The following SLC35F1 variants were observed in gnomAD, a reference collection of about 807,000 sequenced individuals.
SLC35F1 encodes chromosome 6 open reading frame 169.
SLC35F1 carries 14 observed loss-of-function variants against 48.7 expected under a neutral mutation model. That is an observed-to-expected ratio of 0.29 (90% CI 0.19 to 0.45). The LOEUF is 0.45. SLC35F1 is among the 20% of genes least tolerant of loss of function. The pLI, the probability that SLC35F1 is intolerant of heterozygous loss-of-function variation, is 1.00. For synonymous variants in SLC35F1, 190 were observed against 202.2 expected (o/e 0.94, Z 0.51); for missense variants, 404 against 500.0 (o/e 0.81, Z 1.83).
chr6:117,992,194 A>G (rs1382242574), intron 1 of SLC35F1, among the ~76,000 whole-genome samples: 3 of 151,662 alleles, frequency 2.0e-5, no homozygotes, highest in African/African-American at 7.3e-5. Flanking sequence ...AACTTCTTGT[A>G]TATTCTTTGA....
At chr6:118,261,661 C>T (rs1775713868) in intron 3 of SLC35F1, among the ~76,000 whole-genome samples, 1 of 152,122 alleles carries the variant, frequency 6.6e-6, no homozygotes, top group African/African-American at 2.4e-5. Flanking sequence ...ACTCTCATGA[C>T]TTCCAAGGGG....
At chr6:118,073,980 T>G (rs1772781281) in intron 1 of SLC35F1, among the ~76,000 whole-genome samples, 1 of 152,234 alleles carries the variant, frequency 6.6e-6, no homozygotes, top group South Asian at 2.1e-4. Flanking sequence ...AGGGGAAAGC[T>G]GCTTGTCAAA....
At chr6:118,197,356 T>C (rs1418527030) in intron 2 of SLC35F1, among the ~76,000 whole-genome samples, 1 of 152,162 alleles carries the variant, frequency 6.6e-6, no homozygotes, top group Non-Finnish European at 1.5e-5. Context: ...CTAGTAACAT[T>C]AGAGTTTTTC....
chr6:117,996,336 G>A (rs1057417691), intron 1 of SLC35F1, among the ~76,000 whole-genome samples: 5 of 152,180 alleles, frequency 3.3e-5, no homozygotes, highest in Non-Finnish European at 7.4e-5. Context: ...CAAGGTGGCC[G>A]AATAGGAACA....
At chr6:118,287,073 T>C (rs1776060231) in intron 7 of SLC35F1, among the ~76,000 whole-genome samples, 1 of 152,162 alleles carries the variant, frequency 6.6e-6, no homozygotes, top group African/African-American at 2.4e-5. Context: ...TTGCAGTTTG[T>C]TTCGTCTGTA....
intron 1 of SLC35F1, among the ~76,000 whole-genome samples, chr6:118,099,324 G>A (rs1478626732): frequency 4.6e-5 from 7 of 152,204 alleles, no homozygotes; most frequent in African/African-American, 1.7e-4. Context: ...CCAGTAAGTC[G>A]ATGCTGCTAG....
At chr6:118,146,035 A>G (rs1773968090) in intron 1 of SLC35F1, among the ~76,000 whole-genome samples, 1 of 152,182 alleles carries the variant, frequency 6.6e-6, no homozygotes, top group African/African-American at 2.4e-5. Context: ...GAGGAAGCAA[A>G]TCGTAGAACA....
chr6:118,311,152 G>T (rs1470821304), intron 7 of SLC35F1, among the ~76,000 whole-genome samples: 1 of 152,104 alleles, frequency 6.6e-6, no homozygotes, highest in Non-Finnish European at 1.5e-5. Context: ...CCAATTCATT[G>T]TCCTATCATA....
At chr6:118,028,578 G>A (rs756767070) in intron 1 of SLC35F1, among the ~76,000 whole-genome samples, 1 of 152,054 alleles carries the variant, frequency 6.6e-6, no homozygotes, top group Non-Finnish European at 1.5e-5. Flanking sequence ...GAGTTCACAG[G>A]TGGAAGAAAA....
intron 4 of SLC35F1, among the ~76,000 whole-genome samples, chr6:118,268,600 A>ATTTTT (rs139088554): frequency 4.6e-5 from 4 of 87,886 alleles, no homozygotes; most frequent in East Asian, 6.6e-4. Context: ...ATATATATAT[A>ATTTTT]TTTTTTTTTT....
At chr6:118,067,482 G>T (rs1449593948) in intron 1 of SLC35F1, among the ~76,000 whole-genome samples, 2 of 152,188 alleles carry the variant, frequency 1.3e-5, no homozygotes, top group Non-Finnish European at 2.9e-5. Context: ...TACATAAGGT[G>T]TGGATAAAGG....
intron 1 of SLC35F1, among the ~76,000 whole-genome samples, chr6:118,036,419 G>A (rs1772132294): frequency 6.6e-6 from 1 of 152,042 alleles, no homozygotes; most frequent in Non-Finnish European, 1.5e-5. Context: ...CTTAAGACTT[G>A]TTTTAAATCC....
chr6:118,108,017 G>T (rs1341264091), intron 1 of SLC35F1, among the ~76,000 whole-genome samples: 1 of 152,068 alleles, frequency 6.6e-6, no homozygotes, highest in Non-Finnish European at 1.5e-5. Flanking sequence ...GCCATTCTGG[G>T]TTGAGGTGCT....
intron 1 of SLC35F1, among the ~76,000 whole-genome samples, chr6:117,987,077 T>C (rs1182131187): frequency 1.3e-5 from 2 of 152,234 alleles, no homozygotes; most frequent in African/African-American, 4.8e-5. Flanking sequence ...AGGCCAAGCC[T>C]GTGCCTCACA....
rs1776423009 is a variant in SLC35F1 at position 118,315,527 on chromosome 6, C to A, written c.*1275C>A. ...CGATCTCAGCTCACTGCAACCTCCG[C>A]CTCCGGGATTCACACCATTCTCCTG... On this transcript the variant is annotated 3_prime_UTR_variant, in exon 8 of 8. Coordinates refer to ENST00000360388, the MANE Select transcript of SLC35F1 (RefSeq NM_001029858.4). 6.6e-6 allele frequency: 1 copy of A among 151,320 alleles called. No individual in the cohort carries two copies. Among genetic ancestry groups the A allele is most frequent in the Non-Finnish European group, 1.5e-5 (1 of 67,954 alleles). 9.4% of individuals were successfully genotyped at this position (151,320 alleles called of 1,614,324 possible). A position where few individuals can be genotyped will look rare whatever the true frequency, so the allele number is the denominator to read the frequency against.
chr6:118,046,127 T>C (rs1389399754), intron 1 of SLC35F1, among the ~76,000 whole-genome samples: 1 of 152,234 alleles, frequency 6.6e-6, no homozygotes, highest in African/African-American at 2.4e-5. Flanking sequence ...ACATTTGTCC[T>C]TTTAGAAAGT....
intron 2 of SLC35F1, among the ~76,000 whole-genome samples, chr6:118,210,227 C>T (rs767864886): frequency 3.9e-5 from 6 of 152,136 alleles, no homozygotes; most frequent in Non-Finnish European, 5.9e-5. Context: ...TAAAATTAGA[C>T]CTAATTGTGA....
chr6:118,092,557 T>A (rs1453606854), intron 1 of SLC35F1, among the ~76,000 whole-genome samples: 1 of 152,048 alleles, frequency 6.6e-6, no homozygotes, highest in Non-Finnish European at 1.5e-5. Flanking sequence ...CCTCCAGACC[T>A]CCACTGACAG....
chr6:118,178,165 T>G (rs975621242), intron 2 of SLC35F1, among the ~76,000 whole-genome samples: 1 of 152,084 alleles, frequency 6.6e-6, no homozygotes, highest in Non-Finnish European at 1.5e-5. Context: ...GCACTAGATA[T>G]CCACACCTCC....
Sources: gnomAD v4.1 joint callset for allele counts (sites outside exome capture counted in the v4.1 genomes callset) on GRCh38, gnomAD v4.1.1 for gene constraint, MANE v1.5 for transcripts, NCBI Gene and HGNC (gene_info 2026-07-23, HGNC 2026-07-21) for gene names.